The following STX7 variants were observed in gnomAD, a reference collection of about 807,000 sequenced individuals.
STX7 encodes syntaxin-7.
In STX7, 34 loss-of-function variants were observed where a neutral mutation model predicts 39.6. The ratio of observed to expected loss-of-function variants is 0.86; its 90% CI spans 0.65 to 1.14. STX7 has a LOEUF of 1.14. Among genes scored for constraint, STX7 ranks in the 50% most tolerant of loss-of-function variants. The pLI is 0.00. For synonymous variants in STX7, 119 were observed against 99.1 expected, an observed-to-expected ratio of 1.20 and a Z score of -1.19; for missense variants, 284 against 310.4, an observed-to-expected ratio of 0.92 and a Z score of 0.64.
rs772994382 is a variant in STX7 at position 132,475,674 on chromosome 6, G to A, written c.86-12C>T. On this transcript the variant is annotated splice_polypyrimidine_tract_variant and intron_variant, in intron 2 of 9. Coordinates refer to ENST00000367941, the MANE Select transcript of STX7 (RefSeq NM_003569.3). ...TTGTATTTCCACAGCTATTATAATA[G>A]AAAATTCATGTATTAATTGTCACAA... 14 of 1,573,464 alleles carry A rather than the reference G, an allele frequency of 8.9e-6. No individual in the cohort carries two copies. The highest frequency in any genetic ancestry group is 1.2e-5 in the Non-Finnish European group (14 of 1,153,502).
chr6:132,448,172 A>G lies in STX7; in HGVS notation c.*12586T>C, dbSNP rs1190900381. The G allele has an allele frequency of 6.6e-6, 1 of 152,190 alleles. No homozygotes were observed. Among genetic ancestry groups the G allele is most frequent in the African/African-American group, 2.4e-5 (1 of 41,460 alleles). 9.4% of individuals were successfully genotyped at this position (152,190 alleles called of 1,614,324 possible). A position where few individuals can be genotyped will look rare whatever the true frequency, so the allele number is the denominator to read the frequency against. ...AAGTGCTCCCGGACACTTTCCCCAC[A>G]TATACATTTCCTGAGTTATGTAAAA... On this transcript the variant is annotated 3_prime_UTR_variant, in exon 10 of 10. Coordinates refer to ENST00000367941, the MANE Select transcript of STX7 (RefSeq NM_003569.3).
chr6:132,510,533 C>T (rs1049364364), intron 1 of STX7, among the ~76,000 whole-genome samples: 1 of 152,072 alleles, frequency 6.6e-6, no homozygotes, highest in African/African-American at 2.4e-5. Context: ...TACATTGTAG[C>T]TCTCGTTTTT....
chr6:132,455,639 T>C lies in STX7; in HGVS notation c.*5119A>G, dbSNP rs755990948. On this transcript the variant is annotated 3_prime_UTR_variant, in exon 10 of 10. Coordinates refer to ENST00000367941, the MANE Select transcript of STX7 (RefSeq NM_003569.3). ...GGGAATCCCACTCTAAGCAATTAAG[T>C]GACCAACCTCTTAAAAACTTGCCAG... The C allele has an allele frequency of 2.0e-5, 3 of 152,212 alleles. No individual in the cohort carries two copies. The highest frequency in any genetic ancestry group is 4.4e-5 in the Non-Finnish European group (3 of 68,042). 9.4% of individuals were successfully genotyped at this position (152,212 alleles called of 1,614,324 possible). A position where few individuals can be genotyped will look rare whatever the true frequency, so the allele number is the denominator to read the frequency against.
chr6:132,479,589 A>G (rs1247931980), intron 2 of STX7, among the ~76,000 whole-genome samples: 5 of 151,986 alleles, frequency 3.3e-5, no homozygotes, highest in Admixed American at 6.6e-5. Flanking sequence ...CCTATCCCTC[A>G]CCCCAACTCC....
chr6:132,512,653 C>T (rs1175754071), intron 1 of STX7, among the ~76,000 whole-genome samples: 9 of 152,326 alleles, frequency 5.9e-5, no homozygotes, highest in Admixed American at 2.6e-4. Flanking sequence ...CTGAGCTGGG[C>T]CCCAGCCGGC....
chr6:132,498,015 G>T (rs1233949029), intron 2 of STX7, among the ~76,000 whole-genome samples: 1 of 152,178 alleles, frequency 6.6e-6, no homozygotes, highest in East Asian at 1.9e-4. Context: ...GCCTTGGGTT[G>T]AAAAAGACTG....
At chr6:132,473,933 A>G (rs963793035) in intron 3 of STX7, among the ~76,000 whole-genome samples, 2 of 151,584 alleles carry the variant, frequency 1.3e-5, no homozygotes, top group South Asian at 4.1e-4. Flanking sequence ...TCAAAGTTTT[A>G]AAAAGAAGAC....
intron 2 of STX7, among the ~76,000 whole-genome samples, chr6:132,485,193 C>A (rs552938899): frequency 1.3e-5 from 2 of 152,266 alleles, no homozygotes; most frequent in African/African-American, 4.8e-5. Flanking sequence ...TCTGTTCCTT[C>A]CCCCCTCCAT....
In STX7 at chr6:132,455,161, A is replaced by G. The variant is rs1189873392; in HGVS notation, c.*5597T>C. 3 of 152,232 alleles carry G rather than the reference A, an allele frequency of 2.0e-5. No homozygotes were observed. Among genetic ancestry groups the G allele is most frequent in the Non-Finnish European group, 4.4e-5 (3 of 68,038 alleles). The allele number at this position is 152,232 out of a possible 1,614,324, so 9.4% of individuals were successfully genotyped here. A position where few individuals can be genotyped will look rare whatever the true frequency, so the allele number is the denominator to read the frequency against. ...TTTTTAGCTATACAAGTTATTAAAA[A>G]AGCAAAAGCTTGCATCTTACTTGGA... On this transcript the variant is annotated 3_prime_UTR_variant, in exon 10 of 10. Coordinates refer to ENST00000367941, the MANE Select transcript of STX7 (RefSeq NM_003569.3).
At position 132,445,993 on chromosome 6, in the gene STX7, A is replaced by G. The variant is rs1193307963; in HGVS notation, c.*14765T>C. On this transcript the variant is annotated 3_prime_UTR_variant, in exon 10 of 10. Coordinates refer to ENST00000367941, the MANE Select transcript of STX7 (RefSeq NM_003569.3). ...GTGTTCAAGGTTTCTAAAATTCTCA[A>G]TTCAGCCCTGGATACAAAAACTCTA... The G allele has an allele frequency of 1.3e-5, 2 of 152,206 alleles. No individual in the cohort carries two copies. The highest frequency in any genetic ancestry group is 4.8e-5 in the African/African-American group (2 of 41,468). 9.4% of individuals were successfully genotyped at this position (152,206 alleles called of 1,614,324 possible).
chr6:132,475,175 G>A (rs1774840640), intron 3 of STX7: 1 of 151,788 alleles, frequency 6.6e-6, no homozygotes, highest in South Asian at 2.1e-4. Flanking sequence ...CCAGGCTGAA[G>A]TGCAGTGGTG....
chr6:132,493,128 C>G (rs903125864), intron 2 of STX7, among the ~76,000 whole-genome samples: 3 of 152,082 alleles, frequency 2.0e-5, no homozygotes, highest in Non-Finnish European at 4.4e-5. Context: ...GGTGGCCATA[C>G]TCAATATCAT....
chr6:132,452,668 A>C lies in STX7; in HGVS notation c.*8090T>G, dbSNP rs771635682. ...ATTAAATTGCTTAGGTATAAATCTA[A>C]CAAAACATGTACAGACCTTGTATGC... On this transcript the variant is annotated 3_prime_UTR_variant, in exon 10 of 10. Coordinates refer to ENST00000367941, the MANE Select transcript of STX7 (RefSeq NM_003569.3). The C allele has an allele frequency of 1.5e-4, 23 of 152,188 alleles. No individual in the cohort carries two copies. The highest frequency in any genetic ancestry group is 2.8e-4 in the Non-Finnish European group (19 of 68,010). 9.4% of individuals were successfully genotyped at this position (152,188 alleles called of 1,614,324 possible).
At chr6:132,502,324 A>G (rs1775586148) in intron 2 of STX7, among the ~76,000 whole-genome samples, 1 of 152,224 alleles carries the variant, frequency 6.6e-6, no homozygotes, top group African/African-American at 2.4e-5. Flanking sequence ...CTTGTAAGGA[A>G]CTAGGCTGAA....
chr6:132,493,115 G>T (rs1206018007), intron 2 of STX7, among the ~76,000 whole-genome samples: 1 of 152,170 alleles, frequency 6.6e-6, no homozygotes, highest in African/African-American at 2.4e-5. Flanking sequence ...TCTTAAAGAA[G>T]TAGGTGGCCA....
chr6:132,499,503 C>T (rs1478358032), intron 2 of STX7, among the ~76,000 whole-genome samples: 2 of 152,184 alleles, frequency 1.3e-5, no homozygotes, highest in Non-Finnish European at 2.9e-5. Flanking sequence ...ATGTTCTTTT[C>T]AAAGTCACCA....
Position 132,470,627 on chromosome 6 carries a change from CT to C in STX7, c.388-2del. 2 of 1,606,798 alleles carry C rather than the reference CT, an allele frequency of 1.2e-6. No homozygotes were observed. Among genetic ancestry groups the C allele is most frequent in the Non-Finnish European group, 1.7e-6 (2 of 1,175,486 alleles). ...TTGAGCTGTCCTCAGGAAAACTGCC[CT>C]GAATAATTTAGTAACAGGATGGAAT... is the stretch of plus-strand genomic sequence containing the variant. On this transcript the variant is annotated splice_acceptor_variant, in intron 5 of 9. Coordinates refer to ENST00000367941, the MANE Select transcript of STX7 (RefSeq NM_003569.3). LOFTEE classifies it high-confidence loss of function.
At chr6:132,493,980 T>A (rs1049234188) in intron 2 of STX7, among the ~76,000 whole-genome samples, 2 of 152,154 alleles carry the variant, frequency 1.3e-5, no homozygotes, top group Admixed American at 1.3e-4. Context: ...TGTTGGAAAA[T>A]AACTAGTCAT....
intron 2 of STX7, among the ~76,000 whole-genome samples, chr6:132,498,323 G>A (rs1043486777): frequency 6.6e-6 from 1 of 151,404 alleles, no homozygotes; most frequent in Admixed American, 6.6e-5. Context: ...TTATAATATG[G>A]TTTAAATGCT....
Sources: gnomAD v4.1 joint callset for allele counts (sites outside exome capture counted in the v4.1 genomes callset) on GRCh38, gnomAD v4.1.1 for gene constraint, MANE v1.5 for transcripts, NCBI Gene and HGNC (gene_info 2026-07-23, HGNC 2026-07-21) for gene names.